Variants in COLEC12 observed in about 807,000 individuals in gnomAD.
The protein encoded by COLEC12 is collectin subfamily member 12.
A neutral mutation model predicts 71.1 loss-of-function variants in COLEC12; 33 were observed. The observed-to-expected ratio is 0.46, with a 90% CI of 0.35 to 0.62. The LOEUF (loss-of-function observed/expected upper bound fraction) is 0.62, where lower values mean the gene tolerates loss of function less well. COLEC12 is among the 20% of genes least tolerant of loss of function. The pLI is 0.00. For synonymous variants in COLEC12, 350 were observed against 353.0 expected (o/e 0.99, Z 0.10); for missense variants, 765 against 916.1 (o/e 0.84, Z 2.13).
At chr18:420,603 G>A (rs1287615309) in intron 2 of COLEC12, among the ~76,000 whole-genome samples, 1 of 152,166 alleles carries the variant, frequency 6.6e-6, no homozygotes, top group Non-Finnish European at 1.5e-5. Flanking sequence ...CGCCTGACTG[G>A]ACAGTAACTT....
At chr18:358,035 G>A (rs1040051777) in intron 2 of COLEC12, among the ~76,000 whole-genome samples, 1 of 152,214 alleles carries the variant, frequency 6.6e-6, no homozygotes, top group Non-Finnish European at 1.5e-5. Flanking sequence ...ACATGCGAGG[G>A]ATCTAGGTTG....
At chr18:369,464 T>C (rs1033542233) in intron 2 of COLEC12, among the ~76,000 whole-genome samples, 1 of 150,100 alleles carries the variant, frequency 6.7e-6, no homozygotes, top group Non-Finnish European at 1.5e-5. Context: ...TTTTTTTTAT[T>C]ATACTTTAAG....
At chr18:434,524 G>A (rs1314475369) in intron 2 of COLEC12, among the ~76,000 whole-genome samples, 1 of 152,086 alleles carries the variant, frequency 6.6e-6, no homozygotes, top group East Asian at 1.9e-4. Flanking sequence ...GTCACATCTG[G>A]CCCATTCTTC....
At chr18:343,802 G>A (rs755439850) in intron 5 of COLEC12, among the ~76,000 whole-genome samples, 1 of 152,148 alleles carries the variant, frequency 6.6e-6, no homozygotes, top group Non-Finnish European at 1.5e-5. Flanking sequence ...TAATTTCCTC[G>A]TCTATAAACT....
intron 2 of COLEC12, among the ~76,000 whole-genome samples, chr18:436,899 C>G (rs907898597): frequency 6.6e-6 from 1 of 152,230 alleles, no homozygotes; most frequent in East Asian, 1.9e-4. Context: ...AACACCTGCT[C>G]AAAAAATATC....
intron 2 of COLEC12, among the ~76,000 whole-genome samples, chr18:425,998 C>T (rs1916191772): frequency 6.6e-6 from 1 of 152,168 alleles, no homozygotes; most frequent in Non-Finnish European, 1.5e-5. Flanking sequence ...CAACCCTGTG[C>T]AGTGAATCTT....
chr18:319,321 TAAAAAAAAAAAAAAAAAA>T lies in COLEC12; in HGVS notation c.*706_*723del, dbSNP rs56853175. On this transcript the variant is annotated 3_prime_UTR_variant, in exon 10 of 10. Transcript: ENST00000400256. ...TGGTTCCTCTGAGGAAATGAAACAT[TAAAAAAAAAAAAAAAAAA>T]AAATATATATATATATATATATATA... 2.4e-5 allele frequency: 2 copies of T among 84,076 alleles called. No individual in the cohort carries two copies. The highest frequency in any genetic ancestry group is 8.6e-4 in the South Asian group (2 of 2,320). The allele number at this position is 84,076 out of a possible 1,614,324, so 5.2% of individuals were successfully genotyped here. A position where few individuals can be genotyped will look rare whatever the true frequency, so the allele number is the denominator to read the frequency against.
At chr18:340,083 A>C (rs939478214) in intron 5 of COLEC12, among the ~76,000 whole-genome samples, 4 of 151,360 alleles carry the variant, frequency 2.6e-5, no homozygotes, top group Admixed American at 1.3e-4. Context: ...GCAAAAAAAA[A>C]AAAAAAAACA....
At chr18:386,755 T>C (rs567206567) in intron 2 of COLEC12, among the ~76,000 whole-genome samples, 29 of 152,236 alleles carry the variant, frequency 1.9e-4, no homozygotes, top group Non-Finnish European at 4.0e-4. Flanking sequence ...GTTTTCTCAC[T>C]TACGGAAACT....
chr18:496,093 C>T (rs757659974), intron 1 of COLEC12, among the ~76,000 whole-genome samples: 1 of 152,146 alleles, frequency 6.6e-6, no homozygotes, highest in Non-Finnish European at 1.5e-5. Context: ...CATTTGAAAG[C>T]TAATACTTCA....
chr18:489,617 A>G (rs1250208001), intron 1 of COLEC12, among the ~76,000 whole-genome samples: 5 of 152,188 alleles, frequency 3.3e-5, no homozygotes, highest in African/African-American at 4.8e-5. Flanking sequence ...AATGATGTAT[A>G]TATGAGGAGC....
At chr18:421,017 C>T (rs760040160) in intron 2 of COLEC12, among the ~76,000 whole-genome samples, 1 of 152,190 alleles carries the variant, frequency 6.6e-6, no homozygotes, top group Admixed American at 6.5e-5. Flanking sequence ...CCGTTCCTAA[C>T]CTGTTTACCC....
Position 486,836 on chromosome 18 carries a change from G to A in COLEC12, c.8-6079C>T, listed in dbSNP as rs115469147. Among the ~76,000 whole-genome samples the A allele has an allele frequency of 6.1e-3, 934 of 152,328 alleles. 7 individuals are homozygous for A. The highest frequency in any genetic ancestry group is 0.021 in the African/African-American group (887 of 41,572). On this transcript the variant is annotated intron_variant, in intron 1 of 9. Transcript: ENST00000400256. Reference sequence around the variant, plus strand: ...TAGACAACAAGTGTTGGCAAAGATAGGGAGAAATCAGAACCCTCATATGCT... The same window carrying A: ...TAGACAACAAGTGTTGGCAAAGATAAGGAGAAATCAGAACCCTCATATGCT...
chr18:321,797 C>G lies in COLEC12; in HGVS notation c.2074G>C (p.Ala692Pro), dbSNP rs765081015. 6.2e-7 allele frequency: 1 copy of G among 1,613,478 alleles called. No individual in the cohort carries two copies. Among genetic ancestry groups the G allele is most frequent in the East Asian group, 2.2e-5 (1 of 44,890 alleles). ...GTSPDYKNWKAGQPDNWGHGH... is the reference protein window; with the variant it reads ...GTSPDYKNWKPGQPDNWGHGH... The stretch of plus-strand genomic sequence containing the variant: ...TGACCCCAGTTATCCGGCTGTCCAG[C>G]TTTCCAATTTCTTTTAGCAAAACAG... Residue 692 changes from alanine (A) to proline (P), a missense_variant, in exon 9 of 10, where the codon GCT becomes CCT. By Grantham distance (27) the Ala-to-Pro change is conservative. Coordinates refer to ENST00000400256, the MANE Select transcript of COLEC12 (RefSeq NM_130386.3).
intron 2 of COLEC12, among the ~76,000 whole-genome samples, chr18:443,741 A>G (rs894819648): frequency 3.9e-5 from 6 of 152,186 alleles, no homozygotes; most frequent in Non-Finnish European, 7.3e-5. Flanking sequence ...GTCCCCACCC[A>G]AATCTCATGT....
intron 2 of COLEC12, among the ~76,000 whole-genome samples, chr18:388,850 G>T (rs1915400759): frequency 6.6e-6 from 1 of 152,148 alleles, no homozygotes; most frequent in Non-Finnish European, 1.5e-5. Context: ...GGGTCTTCCT[G>T]CCTCCAACTC....
chr18:482,240 T>C (rs1438204103), intron 1 of COLEC12, among the ~76,000 whole-genome samples: 3 of 149,720 alleles, frequency 2.0e-5, no homozygotes, highest in Non-Finnish European at 4.5e-5. Flanking sequence ...CTCAGCCTTC[T>C]GAGGCTGGGA....
intron 8 of COLEC12, among the ~76,000 whole-genome samples, chr18:329,460 G>T (rs1432095685): frequency 6.6e-6 from 1 of 152,126 alleles, no homozygotes; most frequent in Non-Finnish European, 1.5e-5. Context: ...AACAGTCTCT[G>T]TCTCCCATCC....
chr18:445,794 G>A (rs1048141421), intron 2 of COLEC12, among the ~76,000 whole-genome samples: 8 of 152,034 alleles, frequency 5.3e-5, no homozygotes, highest in East Asian at 3.9e-4. Context: ...AACCACACCC[G>A]GCTAATTTTT....
Sources: gnomAD v4.1 joint callset for allele counts (sites outside exome capture counted in the v4.1 genomes callset) on GRCh38, gnomAD v4.1.1 for gene constraint, MANE v1.5 for transcripts, NCBI Gene and HGNC (gene_info 2026-07-23, HGNC 2026-07-21) for gene names.